Variants in TAFA1 observed in about 807,000 individuals in gnomAD.
TAFA1 encodes the protein TAFA chemokine like family member 1, also known as chemokine-like protein TAFA-1.
A neutral mutation model predicts 18.5 loss-of-function variants in TAFA1; 4 were observed. That is an observed-to-expected ratio of 0.22 (90% CI 0.11 to 0.49). The LOEUF is 0.49. Ranked by LOEUF, TAFA1 falls within the 20% of genes least tolerant of loss-of-function variation. The probability of loss-of-function intolerance (pLI) is 0.98; values close to 1 mark genes in which losing one functional copy is unlikely to be tolerated. For missense variants in TAFA1, 147 were observed against 169.0 expected, an observed-to-expected ratio of 0.87 and a Z score of 0.72; for synonymous variants, 56 against 55.2, an observed-to-expected ratio of 1.01 and a Z score of -0.06.
At chr3:68,478,644 A>T (rs2072150690) in intron 3 of TAFA1, among the ~76,000 whole-genome samples, 1 of 152,170 alleles carries the variant, frequency 6.6e-6, no homozygotes, top group African/African-American at 2.4e-5. Flanking sequence ...CATTATTGCA[A>T]GTGGTCCTCA....
At chr3:68,411,146 TCTGG>T (rs1441065631) in intron 2 of TAFA1, among the ~76,000 whole-genome samples, 12 of 152,288 alleles carry the variant, frequency 7.9e-5, no homozygotes, top group Non-Finnish European at 1.5e-5. Flanking sequence ...AAATTTTATC[TCTGG>T]GTTATAATAG....
rs1360925587 is a variant in TAFA1 at position 68,397,282 on chromosome 3, G to A, written c.119-19998G>A. 2.6e-5 allele frequency among the ~76,000 whole-genome samples: 4 copies of A among 152,078 alleles called. No homozygotes were observed. The East Asian group carries it at 5.8e-4, about 22-fold the overall frequency. On this transcript the variant is annotated intron_variant, in intron 2 of 4. Transcript: ENST00000478136. ...TAGGTTTTAAGTCCCGCATGCGTTA[G>A]GTATTTGTCCTAATGCTGTCCCTCC...
intron 4 of TAFA1, among the ~76,000 whole-genome samples, chr3:68,543,931 T>G (rs1034296819): frequency 1.3e-4 from 20 of 152,092 alleles, no homozygotes; most frequent in African/African-American, 4.6e-4. Flanking sequence ...TACACAGATG[T>G]GGTCTAACCT....
At chr3:68,061,257 A>T (rs1430847829) in intron 2 of TAFA1, among the ~76,000 whole-genome samples, 1 of 152,168 alleles carries the variant, frequency 6.6e-6, no homozygotes, top group African/African-American at 2.4e-5. Context: ...TGTCAGGTTG[A>T]GAGTTGTGTT....
chr3:68,158,869 T>G lies in TAFA1; in HGVS notation c.118+152125T>G, dbSNP rs557327642. Among the ~76,000 whole-genome samples, 32 of 152,312 alleles carry G rather than the reference T, an allele frequency of 2.1e-4. No homozygotes were observed. The South Asian group carries it at 6.2e-3, about 30-fold the overall frequency. Reference sequence around the variant, plus strand: ...TGCATATACTGAAATAAAGAGAAATTCTTGTAGTTTGAATGGGGAATATCT... The same window carrying G: ...TGCATATACTGAAATAAAGAGAAATGCTTGTAGTTTGAATGGGGAATATCT... On this transcript the variant is annotated intron_variant, in intron 2 of 4. Coordinates refer to ENST00000478136, the MANE Select transcript of TAFA1 (RefSeq NM_213609.4).
At chr3:68,378,407 T>C (rs769031947) in intron 2 of TAFA1, among the ~76,000 whole-genome samples, 8 of 152,318 alleles carry the variant, frequency 5.3e-5, no homozygotes, top group Middle Eastern at 3.4e-3. Context: ...TCCTCCCACT[T>C]GGAACAGGAG....
At chr3:68,500,895 G>A (rs1160729676) in intron 3 of TAFA1, among the ~76,000 whole-genome samples, 1 of 152,128 alleles carries the variant, frequency 6.6e-6, no homozygotes, top group South Asian at 2.1e-4. Flanking sequence ...GCCAGGCATG[G>A]TGGCTCACAC....
intron 2 of TAFA1, among the ~76,000 whole-genome samples, chr3:68,189,997 T>G (rs374020606): frequency 6.6e-6 from 1 of 151,908 alleles, no homozygotes; most frequent in Non-Finnish European, 1.5e-5. Flanking sequence ...CTGGCAAGCC[T>G]CATAGATATT....
At chr3:68,336,409 A>G (rs1399516004) in intron 2 of TAFA1, among the ~76,000 whole-genome samples, 1 of 152,206 alleles carries the variant, frequency 6.6e-6, no homozygotes, top group African/African-American at 2.4e-5. Context: ...TGAAAAAGCT[A>G]GGCTCAAGAA....
chr3:68,275,116 ATT>A (rs1259095604), intron 2 of TAFA1, among the ~76,000 whole-genome samples: 1 of 152,130 alleles, frequency 6.6e-6, no homozygotes, highest in Non-Finnish European at 1.5e-5. Context: ...ATTAATATGT[ATT>A]TGCTGAGCAC....
intron 2 of TAFA1, among the ~76,000 whole-genome samples, chr3:68,359,172 T>A (rs262238): frequency 0.49 from 74,419 of 151,858 alleles, 18,707 homozygotes; most frequent in East Asian, 0.73. Flanking sequence ...ATACTGCAAA[T>A]ACATGAAGTT....
intron 2 of TAFA1, among the ~76,000 whole-genome samples, chr3:68,277,730 G>T (rs748736309): frequency 5.3e-5 from 8 of 152,082 alleles, no homozygotes; most frequent in Non-Finnish European, 1.0e-4. Flanking sequence ...AACAACTAAA[G>T]GTTTAGTATC....
chr3:68,285,550 G>A, intron 2 of TAFA1, among the ~76,000 whole-genome samples: 1 of 151,834 alleles, frequency 6.6e-6, no homozygotes, highest in Non-Finnish European at 1.5e-5. Flanking sequence ...ATTAATATAA[G>A]GTAAGATGTA....
intron 2 of TAFA1, among the ~76,000 whole-genome samples, chr3:68,309,376 C>A (rs989063841): frequency 2.6e-5 from 4 of 152,164 alleles, no homozygotes; most frequent in Non-Finnish European, 5.9e-5. Context: ...TTGTCACTTA[C>A]TGAACACCTA....
chr3:68,395,748 T>C (rs1173839045), intron 2 of TAFA1, among the ~76,000 whole-genome samples: 3 of 151,498 alleles, frequency 2.0e-5, no homozygotes, highest in East Asian at 1.9e-4. Flanking sequence ...TAAGTGAGAG[T>C]TGAACAATTA....
intron 2 of TAFA1, among the ~76,000 whole-genome samples, chr3:68,163,323 G>T (rs1051018389): frequency 2.0e-5 from 3 of 152,140 alleles, no homozygotes; most frequent in Non-Finnish European, 4.4e-5. Flanking sequence ...TATAAGATAT[G>T]CAATGTCCTT....
At chr3:68,323,411 G>A (rs2068724011) in intron 2 of TAFA1, among the ~76,000 whole-genome samples, 1 of 152,138 alleles carries the variant, frequency 6.6e-6, no homozygotes. Context: ...AAGCTGAAGG[G>A]GAATTAGAAA....
At chr3:68,495,659 A>G (rs917409462) in intron 3 of TAFA1, among the ~76,000 whole-genome samples, 10 of 152,062 alleles carry the variant, frequency 6.6e-5, no homozygotes, top group African/African-American at 1.4e-4. Context: ...TAACCTACCA[A>G]CTAACTTTCT....
intron 2 of TAFA1, among the ~76,000 whole-genome samples, chr3:68,172,127 A>G (rs919340892): frequency 6.6e-6 from 1 of 152,178 alleles, no homozygotes; most frequent in African/African-American, 2.4e-5. Context: ...TCCAACTAAG[A>G]TAAACTCAAT....
Sources: gnomAD v4.1 joint callset for allele counts (sites outside exome capture counted in the v4.1 genomes callset) on GRCh38, gnomAD v4.1.1 for gene constraint, MANE v1.5 for transcripts, NCBI Gene and HGNC (gene_info 2026-07-23, HGNC 2026-07-21) for gene names.